NEK7: variants seen among roughly 807,000 people sequenced by gnomAD.
The protein encoded by NEK7 is NIMA related kinase 7, also known as serine/threonine-protein kinase Nek7.
In NEK7, 18 loss-of-function variants were observed where a neutral mutation model predicts 44.6. That is an observed-to-expected ratio of 0.40 (90% CI 0.28 to 0.60). The LOEUF (loss-of-function observed/expected upper bound fraction) is 0.60, where lower values mean the gene tolerates loss of function less well. NEK7 is among the 20% of genes least tolerant of loss of function. The pLI, the probability that NEK7 is intolerant of heterozygous loss-of-function variation, is 0.38. For missense variants in NEK7, 256 were observed against 366.5 expected (o/e 0.70, Z 2.46); for synonymous variants, 130 against 121.1 (o/e 1.07, Z -0.48).
chr1:198,302,193 A>C (rs1654908238), intron 9 of NEK7, among the ~76,000 whole-genome samples: 1 of 152,248 alleles, frequency 6.6e-6, no homozygotes, highest in South Asian at 2.1e-4. Context: ...ACTCAAAAAA[A>C]TTAACCCATA....
intron 1 of NEK7, among the ~76,000 whole-genome samples, chr1:198,195,273 C>T (rs1665198311): frequency 6.6e-6 from 1 of 152,250 alleles, no homozygotes; most frequent in African/African-American, 2.4e-5. Context: ...GAGTTGTCAC[C>T]TTCCCCTAGG....
intron 2 of NEK7, among the ~76,000 whole-genome samples, chr1:198,241,455 G>A (rs1666683159): frequency 6.6e-6 from 1 of 152,184 alleles, no homozygotes; most frequent in African/African-American, 2.4e-5. Context: ...CCCTTAGGGG[G>A]TCAGGGGAGT....
At chr1:198,182,992 G>T (rs748232932) in intron 1 of NEK7, among the ~76,000 whole-genome samples, 151 of 152,180 alleles carry the variant, frequency 9.9e-4, no homozygotes, top group Non-Finnish European at 1.7e-3. Flanking sequence ...GAAGCATAGG[G>T]ATTTGTGCTT....
At chr1:198,189,622 T>C (rs888135832) in intron 1 of NEK7, among the ~76,000 whole-genome samples, 1 of 152,148 alleles carries the variant, frequency 6.6e-6, no homozygotes, top group Admixed American at 6.6e-5. Context: ...TTTGGATTAA[T>C]GTTAAGGGCT....
intron 1 of NEK7, among the ~76,000 whole-genome samples, chr1:198,159,616 G>A (rs747056762): frequency 3.3e-5 from 5 of 152,094 alleles, no homozygotes; most frequent in Non-Finnish European, 7.3e-5. Context: ...TAAGCGTACA[G>A]ACTCATTTTA....
At chr1:198,212,899 T>G (rs1665817292) in intron 1 of NEK7, among the ~76,000 whole-genome samples, 1 of 99,000 alleles carries the variant, frequency 1.0e-5, no homozygotes, top group Non-Finnish European at 2.0e-5. Context: ...CTATCATCAT[T>G]GCCTGAGTCA....
chr1:198,223,618 G>C lies in NEK7; in HGVS notation c.-28-8935G>C, dbSNP rs185915805. On this transcript the variant is annotated intron_variant, in intron 1 of 9. Transcript: ENST00000367385. ...TTACTTGAAAGCAAGACAATATTCA[G>C]ACAGGCATTTCATAGATATTTTTAG... 1.3e-3 allele frequency among the ~76,000 whole-genome samples: 192 copies of C among 152,256 alleles called. 2 individuals are homozygous for C. Among genetic ancestry groups the C allele is most frequent in the Non-Finnish European group, 4.7e-4 (32 of 68,012 alleles).
intron 2 of NEK7, among the ~76,000 whole-genome samples, chr1:198,233,745 C>CTTTT (rs71133919): frequency 2.5e-5 from 3 of 121,914 alleles, no homozygotes; most frequent in Non-Finnish European, 3.4e-5. Context: ...CTATGGGATC[C>CTTTT]TTTTTTTTTT....
At chr1:198,247,065 G>T (rs994067461) in intron 2 of NEK7, among the ~76,000 whole-genome samples, 1 of 152,136 alleles carries the variant, frequency 6.6e-6, no homozygotes, top group Non-Finnish European at 1.5e-5. Flanking sequence ...TACTTTGTGA[G>T]TTTCTTTGTT....
rs143098228 is a variant in NEK7, at chr1:198,294,915, G to A, written c.684+1876G>A. 5.2e-4 allele frequency among the ~76,000 whole-genome samples: 79 copies of A among 151,998 alleles called. 3 individuals are homozygous for A. The East Asian group carries it at 0.013, about 25-fold the overall frequency. On this transcript the variant is annotated intron_variant, in intron 8 of 9. Transcript: ENST00000367385. ...TATTTCCTTTCAGTTGTGTTTCAAT[G>A]TACTGTTAATAGAAATAGCTAACAG...
In NEK7 at chr1:198,320,759, T is replaced by A. The variant is rs1261116952; in HGVS notation, c.*1237T>A. On this transcript the variant is annotated 3_prime_UTR_variant, in exon 10 of 10. Coordinates refer to ENST00000367385, the MANE Select transcript of NEK7 (RefSeq NM_133494.3). Reference sequence around the variant, plus strand: ...CAAGGTTGTAATTCTAGAATATGCTTAATAAAATGAAAACTGGCCATGACT... The same window carrying A: ...CAAGGTTGTAATTCTAGAATATGCTAAATAAAATGAAAACTGGCCATGACT... 1 of 152,166 alleles carries A rather than the reference T, an allele frequency of 6.6e-6. No homozygotes were observed. Among genetic ancestry groups the A allele is most frequent in the Non-Finnish European group, 1.5e-5 (1 of 68,010 alleles). The allele number at this position is 152,166 out of a possible 1,614,324, so 9.4% of individuals were successfully genotyped here.
chr1:198,232,099 T>G (rs763008478), intron 1 of NEK7, among the ~76,000 whole-genome samples: 1 of 152,166 alleles, frequency 6.6e-6, no homozygotes, highest in East Asian at 1.9e-4. Context: ...GACTGGCCTT[T>G]TAAGTTTAAA....
chr1:198,227,935 T>C lies in NEK7; in HGVS notation c.-28-4618T>C, dbSNP rs556950002. ...TGCTTTTGGTGTTTTAGACATGAAG[T>C]CCTTGCCCATGCCTATGTCCTGAAT... On this transcript the variant is annotated intron_variant, in intron 1 of 9. Coordinates refer to ENST00000367385, the MANE Select transcript of NEK7 (RefSeq NM_133494.3). Among the ~76,000 whole-genome samples, 86 of 152,312 alleles carry C rather than the reference T, an allele frequency of 5.6e-4. 1 individual carries two copies. The South Asian group carries it at 0.016, about 29-fold the overall frequency.
chr1:198,276,332 TTA>T (rs1422465260), intron 5 of NEK7, among the ~76,000 whole-genome samples: 1 of 151,666 alleles, frequency 6.6e-6, no homozygotes, highest in African/African-American at 2.4e-5. Context: ...ACATGATATG[TTA>T]TATTTATTTT....
intron 9 of NEK7, among the ~76,000 whole-genome samples, chr1:198,305,904 A>T (rs948489402): frequency 6.6e-6 from 1 of 152,128 alleles, no homozygotes; most frequent in Non-Finnish European, 1.5e-5. Context: ...GACTGTGTGG[A>T]AGGTCACCCC....
rs140181207 is a variant in NEK7, at chr1:198,210,741, C to CTT, written c.-28-21784_-28-21783dup. 3.3e-3 allele frequency among the ~76,000 whole-genome samples: 191 copies of CTT among 57,546 alleles called. 42 individuals carry two copies. Among genetic ancestry groups the CTT allele is most frequent in the East Asian group, 0.014 (22 of 1,624 alleles). The allele number at this position is 57,546 out of a possible 152,430, so 37.8% of individuals were successfully genotyped here. A position where few individuals can be genotyped will look rare whatever the true frequency, so the allele number is the denominator to read the frequency against. On this transcript the variant is annotated intron_variant, in intron 1 of 9. Coordinates refer to ENST00000367385, the MANE Select transcript of NEK7 (RefSeq NM_133494.3). Reference sequence around the variant, plus strand: ...GTCATTGTCCCTTCAATTTGTATTTCTTTTTTTTTTTTTTTTTTTTTTTTT... The same window carrying CTT: ...GTCATTGTCCCTTCAATTTGTATTTCTTTTTTTTTTTTTTTTTTTTTTTTTTT...
rs921745745 is a variant in NEK7 at position 198,193,202 on chromosome 1, A to G, written c.-29+35926A>G. The stretch of plus-strand genomic sequence containing the variant: ...CACCTCTATGCACATAAACTAGAAA[A>G]TCTAGAAGAAATGGGTAAGTTGCTG... On this transcript the variant is annotated intron_variant, in intron 1 of 9. Coordinates refer to ENST00000367385, the MANE Select transcript of NEK7 (RefSeq NM_133494.3). Among the ~76,000 whole-genome samples the G allele has an allele frequency of 3.3e-5, 5 of 152,174 alleles. No homozygotes were observed. The East Asian group carries it at 7.7e-4, about 23-fold the overall frequency.
intron 3 of NEK7, among the ~76,000 whole-genome samples, chr1:198,255,790 A>G (rs1215466993): frequency 6.6e-6 from 1 of 152,162 alleles, no homozygotes; most frequent in Non-Finnish European, 1.5e-5. Flanking sequence ...CAGAAATGAT[A>G]TTGTGAAGAT....
intron 1 of NEK7, among the ~76,000 whole-genome samples, chr1:198,209,094 CAT>C (rs33936071): frequency 0.14 from 18,820 of 139,170 alleles, 1,870 homozygotes; most frequent in East Asian, 0.33. Context: ...TATATACACA[CAT>C]ATGTACACAC....
Sources: gnomAD v4.1 joint callset for allele counts (sites outside exome capture counted in the v4.1 genomes callset) on GRCh38, gnomAD v4.1.1 for gene constraint, MANE v1.5 for transcripts, NCBI Gene and HGNC (gene_info 2026-07-23, HGNC 2026-07-21) for gene names.